The following JAKMIP3 variants were observed in gnomAD, a reference collection of about 807,000 sequenced individuals.
The protein encoded by JAKMIP3 is janus kinase and microtubule-interacting protein 3.
Under a neutral mutation model 118.5 loss-of-function variants are expected in JAKMIP3, and 58 were observed. That is an observed-to-expected ratio of 0.49 (90% CI 0.40 to 0.61). The LOEUF (loss-of-function observed/expected upper bound fraction) is 0.61. JAKMIP3 is among the 20% of genes least tolerant of loss of function. The pLI is 0.00. For synonymous variants in JAKMIP3, 486 were observed against 451.2 expected (o/e 1.08, Z -0.98); for missense variants, 950 against 1,109.0 (o/e 0.86, Z 2.04).
intron 1 of JAKMIP3, among the ~76,000 whole-genome samples, chr10:132,069,555 G>C (rs552934872): frequency 1.3e-5 from 2 of 152,096 alleles, no homozygotes; most frequent in South Asian, 4.2e-4. Flanking sequence ...GTTTGAAGCT[G>C]TCTCACATGT....
chr10:132,111,635 G>A (rs563742033), intron 2 of JAKMIP3, among the ~76,000 whole-genome samples: 1 of 152,226 alleles, frequency 6.6e-6, no homozygotes, highest in African/African-American at 2.4e-5. Flanking sequence ...GGAACAACAA[G>A]GAAAGCCGGC....
intron 19 of JAKMIP3, among the ~76,000 whole-genome samples, chr10:132,155,769 C>T (rs2057017616): frequency 6.6e-6 from 1 of 152,212 alleles, no homozygotes; most frequent in Non-Finnish European, 1.5e-5. Context: ...GTGCACATGA[C>T]TGCGTGGGAG....
intron 23 of JAKMIP3, among the ~76,000 whole-genome samples, chr10:132,175,033 A>G (rs557790796): frequency 6.6e-6 from 1 of 152,204 alleles, no homozygotes; most frequent in African/African-American, 2.4e-5. Context: ...CACCGCTGAA[A>G]AGTATTTCTT....
chr10:132,063,187 G>A (rs1327113006), upstream of JAKMIP3, among the ~76,000 whole-genome samples: 1 of 152,204 alleles, frequency 6.6e-6, no homozygotes, highest in Non-Finnish European at 1.5e-5. Context: ...GGGACGGGCT[G>A]TGGGATCAGA....
At chr10:132,128,443 GA>G (rs2050005056) in intron 3 of JAKMIP3, among the ~76,000 whole-genome samples, 1 of 152,162 alleles carries the variant, frequency 6.6e-6, no homozygotes, top group Non-Finnish European at 1.5e-5. Flanking sequence ...AATCTGAAGG[GA>G]TGTCTTTTAC....
At chr10:132,115,944 G>A (rs1415002594) in intron 2 of JAKMIP3, among the ~76,000 whole-genome samples, 2 of 152,232 alleles carry the variant, frequency 1.3e-5, no homozygotes, top group East Asian at 3.8e-4. Flanking sequence ...GGCCGGATGT[G>A]CTGGAAACTC....
intron 23 of JAKMIP3, among the ~76,000 whole-genome samples, chr10:132,177,357 T>G (rs2637659): frequency 0.078 from 11,897 of 152,334 alleles, 529 homozygotes; most frequent in Middle Eastern, 0.13. Flanking sequence ...AGGCAGAAAG[T>G]GTGCGCACGT....
intron 23 of JAKMIP3, among the ~76,000 whole-genome samples, chr10:132,172,514 C>A (rs1367243546): frequency 3.3e-5 from 5 of 152,086 alleles, no homozygotes; most frequent in African/African-American, 1.2e-4. Context: ...TGCTCTCCCC[C>A]TTCCTTCTAT....
At chr10:132,176,557 G>T (rs1254508370) in intron 23 of JAKMIP3, among the ~76,000 whole-genome samples, 1 of 152,202 alleles carries the variant, frequency 6.6e-6, no homozygotes, top group Non-Finnish European at 1.5e-5. Context: ...GCTTTGTGCA[G>T]TGCTTTGTAG....
At chr10:132,120,004 C>T (rs2048288452) in intron 3 of JAKMIP3, among the ~76,000 whole-genome samples, 1 of 152,212 alleles carries the variant, frequency 6.6e-6, no homozygotes, top group African/African-American at 2.4e-5. Flanking sequence ...TGCTCACGCT[C>T]TTCTCCAAGT....
At chr10:132,111,391 C>T (rs1428753596) in intron 2 of JAKMIP3, among the ~76,000 whole-genome samples, 2 of 152,054 alleles carry the variant, frequency 1.3e-5, no homozygotes. Flanking sequence ...TCGGGGGTGG[C>T]TCCAGGTGGG....
chr10:132,085,861 C>A (rs115113337), intron 1 of JAKMIP3, among the ~76,000 whole-genome samples: 1,708 of 152,146 alleles, frequency 0.011, 33 homozygotes, highest in African/African-American at 0.038. Flanking sequence ...TTTTTTGTTT[C>A]AATTTCATTT....
chr10:132,138,069 C>G, intron 8 of JAKMIP3, 50 bp from the exon 9 acceptor site: 2 of 1,539,612 alleles, frequency 1.3e-6, no homozygotes. Context: ...GGACTGAAAC[C>G]GGTGGAGCTG....
chr10:132,090,162 A>G (rs1240797104), intron 1 of JAKMIP3, among the ~76,000 whole-genome samples: 1 of 152,186 alleles, frequency 6.6e-6, no homozygotes, highest in Admixed American at 6.6e-5. Context: ...ATATTGGTCT[A>G]AAATTCTCTT....
In JAKMIP3 at chr10:132,135,061, AG is replaced by A; in HGVS notation, c.871del (p.Asp291MetfsTer12). The A allele has an allele frequency of 6.2e-7, 1 of 1,613,530 alleles. No homozygotes were observed. Among genetic ancestry groups the A allele is most frequent in the Non-Finnish European group, 8.5e-7 (1 of 1,179,490 alleles). ...TTTAGGAACAGCAGTTGGATGAAAA[AG>A]ATGCCCGGCGCTTCCAGCTTAAAAT... ...GSPEQQLDEK[D>X]ARRFQLKIAE... On this transcript the variant is annotated frameshift_variant, in exon 5 of 24. Transcript: ENST00000684848.
chr10:132,048,119 C>T (rs2037980064), intron 1 of JAKMIP3, among the ~76,000 whole-genome samples: 1 of 152,182 alleles, frequency 6.6e-6, no homozygotes, highest in African/African-American at 2.4e-5. Context: ...GTGCATCCTC[C>T]GCGTGGAGCA....
At chr10:132,087,133 G>A (rs1454396738) in intron 1 of JAKMIP3, among the ~76,000 whole-genome samples, 5 of 152,192 alleles carry the variant, frequency 3.3e-5, no homozygotes, top group African/African-American at 1.2e-4. Flanking sequence ...AGTTTTACTG[G>A]ATACAAAAGA....
chr10:132,123,840 C>T (rs1039510899), intron 3 of JAKMIP3, among the ~76,000 whole-genome samples: 4 of 152,326 alleles, frequency 2.6e-5, no homozygotes, highest in South Asian at 4.1e-4. Context: ...AAAGCCTCAC[C>T]GTACAGGTGC....
intron 1 of JAKMIP3, among the ~76,000 whole-genome samples, chr10:132,085,522 A>T: frequency 6.9e-6 from 1 of 144,172 alleles, no homozygotes. Context: ...TTTTTGTGAG[A>T]GGAAGTCTTG....
Sources: allele counts gnomAD v4.1 joint callset (sites outside exome capture counted in the v4.1 genomes callset), GRCh38; gene constraint gnomAD v4.1.1; transcripts MANE v1.5; gene names NCBI Gene and HGNC (gene_info 2026-07-23, HGNC 2026-07-21).